The following CTSK variants were observed in gnomAD, a reference collection of about 807,000 sequenced individuals.
CTSK encodes the protein cathepsin K, also known as cathepsin O.
Under a neutral mutation model 40.5 loss-of-function variants are expected in CTSK, and 26 were observed. That is an observed-to-expected ratio of 0.64 (90% CI 0.47 to 0.89). CTSK has a LOEUF of 0.89. Ranked by LOEUF, CTSK falls within the 40% of genes least tolerant of loss-of-function variation. CTSK has a pLI of 0.00. For synonymous variants in CTSK, 132 were observed against 143.2 expected (o/e 0.92, Z 0.56); for missense variants, 292 against 400.1 (o/e 0.73, Z 2.30).
rs1472905016 is a variant in CTSK, at chr1:150,799,477, G to A, written c.784+67C>T. On this transcript the variant is annotated intron_variant, in intron 6 of 7. Coordinates refer to ENST00000271651, the MANE Select transcript of CTSK (RefSeq NM_000396.4). ...AAACTAAGTACTGAAAATACCCAAG[G>A]TCCTTCGAGAAACCATCAAGTTTGT... The A allele has an allele frequency of 3.2e-6, 5 of 1,582,946 alleles. No homozygotes were observed. The Admixed American group carries it at 8.3e-5, about 26-fold the overall frequency.
Position 150,796,724 on chromosome 1 carries a change from C to T in CTSK, c.*75G>A. 1 of 1,014,554 alleles carries T rather than the reference C, an allele frequency of 9.9e-7. No individual in the cohort carries two copies. Among genetic ancestry groups the T allele is most frequent in the African/African-American group, 1.6e-5 (1 of 63,424 alleles). 62.8% of individuals were successfully genotyped at this position (1,014,554 alleles called of 1,614,324 possible). A position where few individuals can be genotyped will look rare whatever the true frequency, so the allele number is the denominator to read the frequency against. On this transcript the variant is annotated 3_prime_UTR_variant, in exon 8 of 8. Transcript: ENST00000271651. Reference sequence around the variant, plus strand: ...CTGCTTCAAAAATAGCACACCAACTCCCTTCCAAAGTGCATCGTTACACTG... The same window carrying T: ...CTGCTTCAAAAATAGCACACCAACTTCCTTCCAAAGTGCATCGTTACACTG...
chr1:150,799,793 G>C, intron 5 of CTSK, 84 bp from the exon 6 acceptor site: 1 of 1,265,248 alleles, frequency 7.9e-7, no homozygotes, highest in Non-Finnish European at 1.1e-6. Context: ...AATATTTTGA[G>C]TGATGCCAGT....
In CTSK at chr1:150,796,677, G is replaced by C. The variant is rs143752854; in HGVS notation, c.*122C>G. ...CACAAACAAATGGGGAAACTGAACA[G>C]ACAATCTCAGTATCACCACATCTGC... On this transcript the variant is annotated 3_prime_UTR_variant, in exon 8 of 8. Coordinates refer to ENST00000271651, the MANE Select transcript of CTSK (RefSeq NM_000396.4). The C allele has an allele frequency of 1.4e-5, 11 of 806,744 alleles. No homozygotes were observed. Among genetic ancestry groups the C allele is most frequent in the Non-Finnish European group, 2.5e-5 (11 of 446,644 alleles). 50.0% of individuals were successfully genotyped at this position (806,744 alleles called of 1,614,324 possible).
At chr1:150,799,449 C>T in intron 6 of CTSK, 95 bp downstream of exon 6, 1 of 1,495,398 alleles carries the variant, frequency 6.7e-7, no homozygotes, top group Admixed American at 1.7e-5. Flanking sequence ...CATGTGAATA[C>T]AAAAACTAAG....
intron 5 of CTSK, among the ~76,000 whole-genome samples, chr1:150,803,070 A>G (rs1038819020): frequency 2.0e-5 from 3 of 152,232 alleles, no homozygotes; most frequent in Non-Finnish European, 4.4e-5. Flanking sequence ...GACATTGTGT[A>G]GTAAAGTTGA....
intron 5 of CTSK, among the ~76,000 whole-genome samples, chr1:150,803,083 A>G (rs1385309274): frequency 6.6e-6 from 1 of 152,224 alleles, no homozygotes; most frequent in East Asian, 1.9e-4. Flanking sequence ...AAAGTTGAAG[A>G]CAGACATACC....
At chr1:150,807,090 A>T (rs1189543539) in intron 1 of CTSK, among the ~76,000 whole-genome samples, 25 of 127,404 alleles carry the variant, frequency 2.0e-4, no homozygotes, top group African/African-American at 1.1e-3. Context: ...TCACACACAC[A>T]CACACACACA....
In CTSK at chr1:150,807,005, T is replaced by TTCTCTCTCTC. The variant is rs71659432; in HGVS notation, c.-1-209_-1-200dup. On this transcript the variant is annotated intron_variant, in intron 1 of 7. Transcript: ENST00000271651. The stretch of plus-strand genomic sequence containing the variant: ...TAGGGGGATTTAGCCATTTCTCTCT[T>TTCTCTCTCTC]TCTCTCTCTCTCTCTCTCTCGGGAG... Among the ~76,000 whole-genome samples, 207 of 139,054 alleles carry TTCTCTCTCTC rather than the reference T, an allele frequency of 1.5e-3. 2 individuals carry two copies. Among genetic ancestry groups the TTCTCTCTCTC allele is most frequent in the South Asian group, 6.1e-3 (25 of 4,124 alleles). The allele number at this position is 139,054 out of a possible 152,430, so 91.2% of individuals were successfully genotyped here. A position where few individuals can be genotyped will look rare whatever the true frequency, so the allele number is the denominator to read the frequency against.
intron 2 of CTSK, 88 bp from the exon 3 acceptor site, chr1:150,806,312 C>T (rs1393919642): frequency 5.4e-6 from 8 of 1,473,838 alleles, no homozygotes; most frequent in Non-Finnish European, 7.5e-6. Flanking sequence ...AAAGGAAACT[C>T]ACAATCATAA....
chr1:150,805,391 C>T (rs1654066435), intron 4 of CTSK, among the ~76,000 whole-genome samples: 1 of 151,466 alleles, frequency 6.6e-6, no homozygotes, highest in African/African-American at 2.4e-5. Flanking sequence ...GACTCTAATC[C>T]CAGCACTTTG....
chr1:150,803,979 G>C (rs1415896649), intron 5 of CTSK, 42 bp downstream of exon 5: 1 of 1,489,964 alleles, frequency 6.7e-7, no homozygotes, highest in South Asian at 1.1e-5. Flanking sequence ...GCTGGGGAAG[G>C]AGGAGCCAAC....
intron 4 of CTSK, among the ~76,000 whole-genome samples, chr1:150,805,384 T>C (rs1654066343): frequency 6.6e-6 from 1 of 151,648 alleles, no homozygotes; most frequent in Non-Finnish European, 1.5e-5. Context: ...GGCTCATGAC[T>C]CTAATCCCAG....
intron 7 of CTSK, among the ~76,000 whole-genome samples, chr1:150,797,597 G>A (rs1374242432): frequency 6.6e-6 from 1 of 152,184 alleles, no homozygotes; most frequent in Admixed American, 6.5e-5. Flanking sequence ...GACGACGTGA[G>A]AAAGAGGAGA....
rs587770372 is a variant in CTSK, at chr1:150,799,885, G to A, written c.619-176C>T. The stretch of plus-strand genomic sequence containing the variant: ...AAACGAATATGAAAAGAGGATTCCC[G>A]CCTTCCACCACACATAAAAACCAAC... On this transcript the variant is annotated intron_variant, in intron 5 of 7. Transcript: ENST00000271651. Among the ~76,000 whole-genome samples, 18 of 152,108 alleles carry A rather than the reference G, an allele frequency of 1.2e-4. 1 individual carries two copies. In the South Asian group the frequency reaches 3.5e-3, roughly 30 times the overall value.
chr1:150,799,473 C>T, intron 6 of CTSK, 71 bp downstream of exon 6: 1 of 1,577,968 alleles, frequency 6.3e-7, no homozygotes, highest in South Asian at 1.1e-5. Context: ...TGAAAATACC[C>T]AAGGTCCTTC....
chr1:150,804,982 C>T lies in CTSK; in HGVS notation c.400-743G>A, dbSNP rs930339953. ...ATCCTAGCACTTTGGGAGGCCGAAG[C>T]GGGCAGATTGCTTGAGCCCAGGAAT... On this transcript the variant is annotated intron_variant, in intron 4 of 7. Transcript: ENST00000271651. Among the ~76,000 whole-genome samples, 6 of 152,042 alleles carry T rather than the reference C, an allele frequency of 3.9e-5. No individual in the cohort carries two copies. In the East Asian group the frequency reaches 7.7e-4, roughly 20 times the overall value.
At chr1:150,806,321 A>G in intron 2 of CTSK, 97 bp from the exon 3 acceptor site, 3 of 1,416,316 alleles carry the variant, frequency 2.1e-6, no homozygotes, top group Non-Finnish European at 2.9e-6. Context: ...TCACAATCAT[A>G]AAAGTTTACA....
At chr1:150,805,745 G>T in intron 4 of CTSK, 116 bp downstream of exon 4, 5 of 959,988 alleles carry the variant, frequency 5.2e-6, no homozygotes, top group Non-Finnish European at 6.7e-6. Flanking sequence ...ATGGGGAGAT[G>T]TACCTTAATT....
intron 7 of CTSK, among the ~76,000 whole-genome samples, chr1:150,798,517 G>A (rs753365723): frequency 4.6e-5 from 7 of 152,176 alleles, no homozygotes; most frequent in Non-Finnish European, 1.0e-4. Context: ...TCTGCTCGTT[G>A]GTTTATGTAT....
Sources: gnomAD v4.1 joint callset for allele counts (sites outside exome capture counted in the v4.1 genomes callset) on GRCh38, gnomAD v4.1.1 for gene constraint, MANE v1.5 for transcripts, NCBI Gene and HGNC (gene_info 2026-07-23, HGNC 2026-07-21) for gene names.